Variants in NPAS3 observed in about 807,000 individuals in gnomAD.
NPAS3 encodes the protein neuronal PAS domain protein 3.
A neutral mutation model predicts 73.1 loss-of-function variants in NPAS3; 14 were observed. The ratio of observed to expected loss-of-function variants is 0.19; its 90% confidence interval spans 0.13 to 0.30. NPAS3 has a LOEUF of 0.30. Among genes scored for constraint, NPAS3 ranks in the 10% least tolerant of loss-of-function variants. The probability of loss-of-function intolerance (pLI) is 1.00; values close to 1 mark genes in which losing one functional copy is unlikely to be tolerated. For synonymous variants in NPAS3, 620 were observed against 541.5 expected (o/e 1.14, Z -2.01); for missense variants, 1,096 against 1,250.0 (o/e 0.88, Z 1.86).
rs1301459593 is a variant in NPAS3 at position 33,797,454 on chromosome 14, C to T, written c.1302-3C>T. On this transcript the variant is annotated splice_polypyrimidine_tract_variant and splice_region_variant and intron_variant, in intron 10 of 11. Transcript: ENST00000356141. The stretch of plus-strand genomic sequence containing the variant: ...ACTCCTGACCAGTGCCTCCCTTCCA[C>T]AGCAATCCTGAGTACAAGGACACAC... 2 of 1,614,058 alleles carry T rather than the reference C, an allele frequency of 1.2e-6. No homozygotes were observed. Among genetic ancestry groups the T allele is most frequent in the African/African-American group, 1.3e-5 (1 of 75,040 alleles).
chr14:33,769,313 CCAGGATCTTCCCAGG>C (rs2062565686), intron 7 of NPAS3, among the ~76,000 whole-genome samples: 1 of 152,236 alleles, frequency 6.6e-6, no homozygotes, highest in Admixed American at 6.5e-5. Flanking sequence ...AACACCTTCT[CCAGGATCTTCCCAGG>C]CTGCTCAAGT....
intron 3 of NPAS3, among the ~76,000 whole-genome samples, chr14:33,320,569 G>A (rs1229780441): frequency 6.6e-6 from 1 of 152,122 alleles, no homozygotes; most frequent in African/African-American, 2.4e-5. Flanking sequence ...TCATGTCTGA[G>A]GCAAAAAGGA....
At chr14:33,308,110 T>C (rs1456788577) in intron 3 of NPAS3, among the ~76,000 whole-genome samples, 1 of 152,142 alleles carries the variant, frequency 6.6e-6, no homozygotes, top group African/African-American at 2.4e-5. Context: ...GGGGGGTATC[T>C]GAATAGAACT....
chr14:32,968,390 C>T (rs1036046966), intron 1 of NPAS3, among the ~76,000 whole-genome samples: 1 of 152,202 alleles, frequency 6.6e-6, no homozygotes, highest in Admixed American at 6.5e-5. Context: ...CATTAAAAAA[C>T]TTCCTAATGT....
chr14:33,216,757 A>G (rs1167030957), intron 3 of NPAS3, among the ~76,000 whole-genome samples: 2 of 152,196 alleles, frequency 1.3e-5, no homozygotes, highest in African/African-American at 4.8e-5. Context: ...CCCATAGGCT[A>G]TAGTTTGAAG....
chr14:33,409,491 A>G (rs1036474669), intron 4 of NPAS3, among the ~76,000 whole-genome samples: 2 of 152,212 alleles, frequency 1.3e-5, no homozygotes, highest in African/African-American at 4.8e-5. Flanking sequence ...ATTTTAAAAG[A>G]TGACAAATTG....
intron 2 of NPAS3, among the ~76,000 whole-genome samples, chr14:33,170,976 A>G (rs2045367507): frequency 6.6e-6 from 1 of 152,200 alleles, no homozygotes; most frequent in African/African-American, 2.4e-5. Context: ...AAGGTTTTCA[A>G]CTGACTTTGC....
intron 4 of NPAS3, among the ~76,000 whole-genome samples, chr14:33,483,101 C>T (rs2051408340): frequency 6.6e-6 from 1 of 152,128 alleles, no homozygotes; most frequent in Non-Finnish European, 1.5e-5. Flanking sequence ...ATGCAGTCTC[C>T]CTTTAATGTG....
chr14:33,565,480 A>G (rs573325424), intron 5 of NPAS3, among the ~76,000 whole-genome samples: 2 of 152,364 alleles, frequency 1.3e-5, no homozygotes, highest in East Asian at 3.9e-4. Context: ...TGCAACCGCC[A>G]TGTCTTTCTT....
chr14:33,501,856 A>C (rs1204786282), intron 4 of NPAS3, among the ~76,000 whole-genome samples: 2 of 151,930 alleles, frequency 1.3e-5, no homozygotes, highest in Non-Finnish European at 2.9e-5. Flanking sequence ...AGGAAGTTGT[A>C]TGTCACAAAA....
exon 8 of NPAS3, chr14:33,774,378 G>A: frequency 6.2e-7 from 1 of 1,614,070 alleles, no homozygotes; most frequent in South Asian, 1.1e-5. Context: ...GAGTGTCGCT[G>A]TCCCACGGGA....
At chr14:33,126,474 G>A (rs979213360) in intron 2 of NPAS3, among the ~76,000 whole-genome samples, 2 of 152,124 alleles carry the variant, frequency 1.3e-5, no homozygotes, top group African/African-American at 2.4e-5. Flanking sequence ...GTTTCTGTTA[G>A]CTGTGTGTGC....
rs190444151 is a variant in NPAS3 at position 33,523,438 on chromosome 14, C to T, written c.469-36683C>T. 3.5e-3 allele frequency among the ~76,000 whole-genome samples: 462 copies of T among 132,718 alleles called. 2 individuals are homozygous for T. The highest frequency in any genetic ancestry group is 5.7e-3 in the Non-Finnish European group (372 of 64,912). 87.1% of individuals were successfully genotyped at this position (132,718 alleles called of 152,430 possible). ...CTGCGCTCCAGCCTGGGCAACAGAG[C>T]GAGACTCTGTCTCAAAAAAAAAAAA... On this transcript the variant is annotated intron_variant, in intron 4 of 11. Coordinates refer to ENST00000356141, the Ensembl canonical transcript of NPAS3.
intron 4 of NPAS3, among the ~76,000 whole-genome samples, chr14:33,533,252 G>A (rs761444092): frequency 6.6e-6 from 1 of 151,952 alleles, no homozygotes; most frequent in Non-Finnish European, 1.5e-5. Context: ...ATATTACATC[G>A]TATAAGGCAA....
intron 5 of NPAS3, among the ~76,000 whole-genome samples, chr14:33,670,495 A>G (rs756568380): frequency 1.1e-4 from 16 of 152,212 alleles, no homozygotes; most frequent in Admixed American, 3.9e-4. Context: ...TGCAATATGT[A>G]GGAAGTTATG....
At chr14:33,341,417 A>G (rs956462207) in intron 3 of NPAS3, among the ~76,000 whole-genome samples, 3 of 152,216 alleles carry the variant, frequency 2.0e-5, no homozygotes, top group African/African-American at 7.2e-5. Flanking sequence ...AGTCCTGGAC[A>G]TGACTTTATG....
At chr14:33,616,590 A>G (rs1482531861) in intron 5 of NPAS3, among the ~76,000 whole-genome samples, 1 of 152,146 alleles carries the variant, frequency 6.6e-6, no homozygotes, top group African/African-American at 2.4e-5. Flanking sequence ...TGAACATTTT[A>G]AAATGCTTGC....
intron 2 of NPAS3, among the ~76,000 whole-genome samples, chr14:33,063,729 C>G (rs1437049896): frequency 2.0e-5 from 3 of 152,152 alleles, no homozygotes. Context: ...GTTTGCTGAC[C>G]TCCGCATTAG....
At chr14:33,079,643 G>A (rs945689822) in intron 2 of NPAS3, among the ~76,000 whole-genome samples, 17 of 84,034 alleles carry the variant, frequency 2.0e-4, no homozygotes, top group Middle Eastern at 0.016. Flanking sequence ...TGACAATTTC[G>A]CTCTGTCATG....
Sources: gnomAD v4.1 joint callset for allele counts (sites outside exome capture counted in the v4.1 genomes callset) on GRCh38, gnomAD v4.1.1 for gene constraint, MANE v1.5 for transcripts, NCBI Gene and HGNC (gene_info 2026-07-23, HGNC 2026-07-21) for gene names.